Variants in TRPM3 observed in about 807,000 individuals in gnomAD.
TRPM3 encodes long transient receptor potential channel 3.
TRPM3 carries 77 observed loss-of-function variants against 181.2 expected under a neutral mutation model. The ratio of observed to expected loss-of-function variants is 0.42; its 90% CI spans 0.35 to 0.51. The LOEUF is 0.51. Ranked by LOEUF, TRPM3 falls within the 20% of genes least tolerant of loss-of-function variation. The probability of loss-of-function intolerance (pLI) is 0.01; values close to 1 mark genes in which losing one functional copy is unlikely to be tolerated. For missense variants in TRPM3, 1,759 were observed against 2,196.7 expected (o/e 0.80, Z 3.98); for synonymous variants, 745 against 796.4 (o/e 0.94, Z 1.09).
chr9:70,776,005 A>ATATTGT, intron 7 of TRPM3: 1 of 155,226 alleles, frequency 6.4e-6, no homozygotes, highest in Non-Finnish European at 1.4e-5. Flanking sequence ...AGTATACAAT[A>ATATTGT]TATTGTTATT....
chr9:71,196,154 T>C (rs191543236), intron 1 of TRPM3, among the ~76,000 whole-genome samples: 121 of 127,780 alleles, frequency 9.5e-4, no homozygotes, highest in South Asian at 7.5e-3. Context: ...TATATATATA[T>C]ACACACACGT....
chr9:71,078,292 C>G (rs936961499), intron 1 of TRPM3, among the ~76,000 whole-genome samples: 1 of 151,936 alleles, frequency 6.6e-6, no homozygotes, highest in African/African-American at 2.4e-5. Context: ...GAAATTTTCT[C>G]CTAGGTATAA....
intron 1 of TRPM3, among the ~76,000 whole-genome samples, chr9:71,188,144 C>G (rs567816432): frequency 7.9e-5 from 12 of 151,888 alleles, no homozygotes; most frequent in Non-Finnish European, 1.5e-4. Flanking sequence ...TGGAAGGAGA[C>G]GTCCTAAATA....
At chr9:71,329,221 C>T (rs529614378) in intron 1 of TRPM3, among the ~76,000 whole-genome samples, 6 of 152,314 alleles carry the variant, frequency 3.9e-5, no homozygotes, top group East Asian at 3.9e-4. Flanking sequence ...AATTATCAAC[C>T]GCCTTGACTG....
At chr9:71,430,823 A>G (rs1441220459) in intron 1 of TRPM3, among the ~76,000 whole-genome samples, 1 of 152,092 alleles carries the variant, frequency 6.6e-6, no homozygotes, top group South Asian at 2.1e-4. Context: ...AAAAAAAAGA[A>G]TGCTTGTGAA....
chr9:70,696,903 TG>T (rs2070701479), intron 8 of TRPM3, among the ~76,000 whole-genome samples: 1 of 152,190 alleles, frequency 6.6e-6, no homozygotes, highest in African/African-American at 2.4e-5. Flanking sequence ...TGCTCCTGTG[TG>T]TCTGTCCTCA....
At chr9:70,564,376 G>T (rs2049981718) in intron 22 of TRPM3, among the ~76,000 whole-genome samples, 1 of 152,112 alleles carries the variant, frequency 6.6e-6, no homozygotes, top group South Asian at 2.1e-4. Context: ...AGGGCAGGAG[G>T]AGGCACCCCT....
At chr9:71,001,782 A>T (rs1298976297) in intron 1 of TRPM3, among the ~76,000 whole-genome samples, 1 of 152,228 alleles carries the variant, frequency 6.6e-6, no homozygotes, top group African/African-American at 2.4e-5. Context: ...CATGAGACAC[A>T]TATGTCATCT....
chr9:70,701,779 A>C (rs2134701991), intron 8 of TRPM3, among the ~76,000 whole-genome samples: 1 of 152,370 alleles, frequency 6.6e-6, no homozygotes, highest in Non-Finnish European at 1.5e-5. Context: ...TAACTGCTTA[A>C]GGTAGGAATA....
chr9:71,294,223 T>C lies in TRPM3; in HGVS notation c.183+152430A>G, dbSNP rs142261598. Among the ~76,000 whole-genome samples, 22 of 152,134 alleles carry C rather than the reference T, an allele frequency of 1.4e-4. No individual in the cohort carries two copies. In the East Asian group the frequency reaches 3.1e-3, roughly 21 times the overall value. ...ATCCAAAAACAGAGAAAATATTTGC[T>C]GTATATATAACAAACAAAACTGCAC... On this transcript the variant is annotated intron_variant, in intron 1 of 24. Coordinates refer to the TRPM3 transcript ENST00000357533.
At chr9:70,663,476 T>C (rs1265352217) in intron 9 of TRPM3, among the ~76,000 whole-genome samples, 1 of 152,218 alleles carries the variant, frequency 6.6e-6, no homozygotes, top group Non-Finnish European at 1.5e-5. Context: ...CTCACTATAG[T>C]GGTTATAATA....
At position 70,536,453 on chromosome 9, in the gene TRPM3, C is replaced by G; in HGVS notation, c.4660G>C (p.Ala1554Pro). The G allele has an allele frequency of 6.2e-7, 1 of 1,614,186 alleles. No individual in the cohort carries two copies. Among genetic ancestry groups the G allele is most frequent in the Non-Finnish European group, 8.5e-7 (1 of 1,180,044 alleles). ...CAGTCTGTAATACTTGTGTATTCTG[C>G]TGTTTTTACAGGCACCCCAAAGTTG... is the stretch of plus-strand genomic sequence containing the variant. ...YANFGVPVKT[A>P]EYTSITDCID... The change falls in exon 26 of 26, where the codon GCA (alanine) becomes CCA (proline). Residue 1554 changes from alanine to proline, a missense_variant. Physicochemically the swap from Ala to Pro is conservative, Grantham distance 27. This residue lies in a region of TRPM3 where 612 missense variants were observed against 590.0 expected (regional missense o/e 1.04). Coordinates refer to ENST00000677713, the MANE Select transcript of TRPM3 (RefSeq NM_001366145.2).
Position 70,842,921 on chromosome 9 carries a change from C to G in TRPM3, c.801+82G>C, listed in dbSNP as rs371688160. The G allele has an allele frequency of 1.4e-4, 207 of 1,429,168 alleles. 1 individual carries two copies. In the East Asian group the frequency reaches 2.0e-3, roughly 14 times the overall value. 88.5% of individuals were successfully genotyped at this position (1,429,168 alleles called of 1,614,324 possible). On this transcript the variant is annotated intron_variant, in intron 5 of 25. Coordinates refer to ENST00000677713, the MANE Select transcript of TRPM3 (RefSeq NM_001366145.2). ...GACCCAAAGAATACTATAATGTGCA[C>G]ATTTTGAATACTAATTTTATTATAC...
chr9:71,106,571 C>T (rs1181485131), intron 1 of TRPM3, among the ~76,000 whole-genome samples: 3 of 152,148 alleles, frequency 2.0e-5, no homozygotes, highest in Non-Finnish European at 2.9e-5. Context: ...ATATAGCCTG[C>T]AGAACCATGA....
intron 4 of TRPM3, among the ~76,000 whole-genome samples, chr9:70,844,486 A>C (rs1180109248): frequency 1.3e-5 from 2 of 152,184 alleles, no homozygotes; most frequent in Admixed American, 1.3e-4. Flanking sequence ...ACAACAAAAC[A>C]AAACTCCCCC....
intron 1 of TRPM3, among the ~76,000 whole-genome samples, chr9:71,330,188 T>A (rs1239230823): frequency 6.6e-6 from 1 of 151,870 alleles, no homozygotes; most frequent in African/African-American, 2.4e-5. Flanking sequence ...AACATCTCCC[T>A]AATCTTGGCT....
chr9:71,096,590 ACT>A (rs71367255), intron 1 of TRPM3, among the ~76,000 whole-genome samples: 2,406 of 89,782 alleles, frequency 0.027, 36 homozygotes, highest in African/African-American at 0.046. Flanking sequence ...ACACACACAC[ACT>A]CTCTCTCTCT....
Position 70,861,323 on chromosome 9 carries a change from C to G in TRPM3, c.462+1585G>C, listed in dbSNP as rs117746984. 1.8e-4 allele frequency among the ~76,000 whole-genome samples: 28 copies of G among 152,250 alleles called. 1 individual carries two copies. In the East Asian group the frequency reaches 5.4e-3, roughly 29 times the overall value. ...ATTTGGACAATGGCAGCATCATGGT[C>G]ATCAGAGTCTCCTAAGGTGACAACT... On this transcript the variant is annotated intron_variant, in intron 3 of 25. Transcript: ENST00000677713.
At chr9:70,654,648 G>T (rs1309286649) in intron 9 of TRPM3, among the ~76,000 whole-genome samples, 1 of 151,028 alleles carries the variant, frequency 6.6e-6, no homozygotes. Context: ...AGAATGAGGA[G>T]TAAACAAGGA....
Sources: allele counts gnomAD v4.1 joint callset (sites outside exome capture counted in the v4.1 genomes callset), GRCh38; gene constraint gnomAD v4.1.1; regional missense constraint gnomAD v4.1.1; transcripts MANE v1.5; gene names NCBI Gene and HGNC (gene_info 2026-07-23, HGNC 2026-07-21).